Variants in UBR4 observed in about 807,000 individuals in gnomAD.
The protein encoded by UBR4 is E3 ubiquitin-protein ligase UBR4.
A neutral mutation model predicts 575.6 loss-of-function variants in UBR4; 124 were observed. That is an observed-to-expected ratio of 0.22 (90% CI 0.19 to 0.25). The LOEUF is 0.25. Among genes scored for constraint, UBR4 ranks in the 10% least tolerant of loss-of-function variants. UBR4 has a pLI of 1.00. For missense variants in UBR4, 4,818 were observed against 6,478.8 expected (o/e 0.74, Z 8.80); for synonymous variants, 2,455 against 2,473.7 (o/e 0.99, Z 0.22).
In UBR4 at chr1:19,169,438, G is replaced by C. The variant is rs763430195; in HGVS notation, c.3738C>G (p.Ser1246=). Residue 1246 remains serine (S), a synonymous_variant, in exon 27 of 106, where the codon TCC becomes TCG. Transcript: ENST00000375254. ...CCTGGAACAGATAGGGACTCACCCA[G>C]GATCCAATATTGGGAAATTCATTGG... is the stretch of plus-strand genomic sequence containing the variant. ...INTNEFPNIG[S]WRNAFANDTI... is the part of the protein sequence containing the mutation. 18 of 1,612,928 alleles carry C rather than the reference G, an allele frequency of 1.1e-5. No homozygotes were observed. Among genetic ancestry groups the C allele is most frequent in the Non-Finnish European group, 2.5e-6 (3 of 1,179,526 alleles).
chr1:19,074,962 C>T, intron 105 of UBR4, 66 bp from the exon 106 acceptor site: 1 of 1,541,992 alleles, frequency 6.5e-7, no homozygotes, highest in Non-Finnish European at 8.9e-7. Flanking sequence ...CCCTGAGTCA[C>T]AGCTGCCGCA....
rs142636344 is a variant in UBR4, at chr1:19,176,663, C to A, written c.2702G>T (p.Arg901Leu). The A allele has an allele frequency of 1.1e-5, 18 of 1,614,070 alleles. No individual in the cohort carries two copies. The Admixed American group carries it at 2.2e-4, about 19-fold the overall frequency. ...ATGATAGAGAGGAGTGGTTGCCCGG[C>A]GGCTGTTGCTGTCCTGGGATCCACT... ...WASGSQDSNS[R>L]RATTPLYHGF... Residue 901 changes from arginine (R) to leucine (L), a missense_variant, in exon 20 of 106, where the codon CGC becomes CTC. Physicochemically the swap from Arg to Leu is moderately radical, Grantham distance 102. This residue lies in a region of UBR4 where 1,172 missense variants were observed against 1,259.7 expected (regional missense o/e 0.93). Transcript: ENST00000375254.
rs1553226959 is a variant in UBR4, at chr1:19,190,312, A to AATATATATAT, written c.1394+1866_1394+1875dup. Among the ~76,000 whole-genome samples the AATATATATAT allele has an allele frequency of 6.2e-3, 492 of 79,390 alleles. 7 individuals carry two copies. Among genetic ancestry groups the AATATATATAT allele is most frequent in the East Asian group, 0.012 (21 of 1,688 alleles). 52.1% of individuals were successfully genotyped at this position (79,390 alleles called of 152,430 possible). A position where few individuals can be genotyped will look rare whatever the true frequency, so the allele number is the denominator to read the frequency against. On this transcript the variant is annotated intron_variant, in intron 11 of 105. Transcript: ENST00000375254. ...TGCCTCAAAAAAAAAAAAAAAAAAA[A>AATATATATAT]ATATATATATATATATATTTGTATG... is the stretch of plus-strand genomic sequence containing the variant.
At chr1:19,181,337 G>T (rs1165987090) in intron 17 of UBR4, among the ~76,000 whole-genome samples, 1 of 152,046 alleles carries the variant, frequency 6.6e-6, no homozygotes, top group Non-Finnish European at 1.5e-5. Context: ...AGACCAGCCT[G>T]GGAGATACAG....
In UBR4 at chr1:19,153,458, C is replaced by A; in HGVS notation, c.6675G>T (p.Gln2225His). The A allele has an allele frequency of 6.2e-7, 1 of 1,614,178 alleles. No homozygotes were observed. The highest frequency in any genetic ancestry group is 8.5e-7 in the Non-Finnish European group (1 of 1,180,028). ...VAIRHTACNE[Q>H]QRTTMILLCE... Reference sequence around the variant, plus strand: ...ACAGCAGAATCATTGTTGTCCGCTGCTGCTCATTGCAGGCCGTGTGCCTAA... The same window carrying A: ...ACAGCAGAATCATTGTTGTCCGCTGATGCTCATTGCAGGCCGTGTGCCTAA... The change falls in exon 46 of 106, where the codon CAG becomes CAT. Residue 2225 changes from glutamine to histidine, a missense_variant. Physicochemically the swap from Gln to His is conservative, Grantham distance 24 (BLOSUM62 0). Transcript: ENST00000375254. The surrounding 1 kb of genome is among the most constrained non-coding windows in gnomAD (Gnocchi z 4.1).
intron 102 of UBR4, among the ~76,000 whole-genome samples, chr1:19,082,561 G>A (rs1022955315): frequency 7.2e-5 from 11 of 152,166 alleles, no homozygotes; most frequent in African/African-American, 2.7e-4. Context: ...GTGCTCTCAT[G>A]CCATGAATGC....
chr1:19,136,007 G>C (rs1323669628), intron 60 of UBR4, among the ~76,000 whole-genome samples: 3 of 152,132 alleles, frequency 2.0e-5, no homozygotes, highest in African/African-American at 7.2e-5. Context: ...TTTCTCATTG[G>C]AAATAACAAA....
At position 19,153,163 on chromosome 1, in the gene UBR4, T is replaced by C. The variant is rs2085968996; in HGVS notation, c.6832+138A>G. ...GACATTTGGAAACATAACTCTGCTT[T>C]TGGGAAATTAACTTTACAAAATGTG... On this transcript the variant is annotated intron_variant, in intron 46 of 105. Transcript: ENST00000375254. This position sits in a 1 kb window ranked among gnomAD's most constrained non-coding sequence, Gnocchi z 4.1. 2 of 1,066,528 alleles carry C rather than the reference T, an allele frequency of 1.9e-6. No individual in the cohort carries two copies. The highest frequency in any genetic ancestry group is 2.6e-5 in the East Asian group (1 of 39,196). The allele number at this position is 1,066,528 out of a possible 1,614,324, so 66.1% of individuals were successfully genotyped here. A position where few individuals can be genotyped will look rare whatever the true frequency, so the allele number is the denominator to read the frequency against.
chr1:19,162,720 A>G (rs1351856225), intron 34 of UBR4, 109 bp from the exon 35 acceptor site: 2 of 1,303,712 alleles, frequency 1.5e-6, no homozygotes, highest in East Asian at 2.5e-5. Context: ...ATGGTATGAG[A>G]GCAGAGAAGA....
chr1:19,087,647 C>T (rs188311217), intron 99 of UBR4, among the ~76,000 whole-genome samples, 169 bp downstream of exon 99: 2 of 152,342 alleles, frequency 1.3e-5, no homozygotes, highest in African/African-American at 4.8e-5. Context: ...TTCGGATGAG[C>T]TCGCCTTCCT....
Position 19,210,075 on chromosome 1 carries a change from C to T in UBR4, c.174G>A (p.Glu58=). 1 of 1,561,682 alleles carries T rather than the reference C, an allele frequency of 6.4e-7. No individual in the cohort carries two copies. Among genetic ancestry groups the T allele is most frequent in the Non-Finnish European group, 8.7e-7 (1 of 1,156,058 alleles). ...ELPQLVASVI[E]SESEILHHEK... is the part of the protein sequence containing the mutation. ...CCGCCAGAGCCGCCGCCCGGTACCT[C>T]TCGATGACTGAGGCCACCAGCTGCG... The change falls in exon 1 of 106, where the codon GAG becomes GAA. Residue 58 remains glutamate, a splice_region_variant and synonymous_variant. Transcript: ENST00000375254.
chr1:19,164,527 A>G (rs902508391), intron 32 of UBR4, 86 bp from the exon 33 acceptor site: 1 of 1,392,344 alleles, frequency 7.2e-7, no homozygotes, highest in Non-Finnish European at 9.8e-7. Context: ...ATTAAACATT[A>G]AATACATAAC....
chr1:19,115,028 C>G (rs2080330163), intron 74 of UBR4, 79 bp from the exon 75 acceptor site: 1 of 1,580,046 alleles, frequency 6.3e-7, no homozygotes. Flanking sequence ...ATGGATTGTG[C>G]CACATTTATA....
intron 44 of UBR4, among the ~76,000 whole-genome samples, chr1:19,154,608 T>C (rs1213114587): frequency 6.6e-6 from 1 of 152,194 alleles, no homozygotes; most frequent in African/African-American, 2.4e-5. Context: ...AAGAGAAATT[T>C]AGGTTCCCTT....
intron 87 of UBR4, 136 bp from the exon 88 acceptor site, chr1:19,101,777 A>T: frequency 7.3e-7 from 1 of 1,366,094 alleles, no homozygotes; most frequent in Non-Finnish European, 9.9e-7. Flanking sequence ...TGGCAATATC[A>T]ATAGTTCAAA....
At chr1:19,205,599 A>C (rs1214063573) in intron 1 of UBR4, among the ~76,000 whole-genome samples, 1 of 151,994 alleles carries the variant, frequency 6.6e-6, no homozygotes, top group African/African-American at 2.4e-5. Flanking sequence ...GTAGTCACAA[A>C]GACTAATCTC....
intron 8 of UBR4, among the ~76,000 whole-genome samples, chr1:19,195,576 T>C (rs1346532918): frequency 6.6e-6 from 1 of 152,094 alleles, no homozygotes; most frequent in Non-Finnish European, 1.5e-5. Flanking sequence ...ACCCCAAATT[T>C]AAAAATGCAA....
At chr1:19,096,477 C>T in intron 92 of UBR4, 46 bp downstream of exon 92, 1 of 1,595,960 alleles carries the variant, frequency 6.3e-7, no homozygotes, top group South Asian at 1.1e-5. Context: ...GGGGCCTCTC[C>T]CAGTGCAGAA....
In UBR4 at chr1:19,193,517, A is replaced by G. The variant is rs762078628; in HGVS notation, c.1059T>C (p.Gly353=). Residue 353 remains glycine, a synonymous_variant, in exon 9 of 106, where the codon GGT becomes GGC. Transcript: ENST00000375254. ...VATCMAILHV[G]SAQQVRTGST... ...ACCCTGTCCGCACTTGCTGGGCACTACCCACATGGAGGATGGCCATGCACG... is the reference window on the plus strand; with the variant it reads ...ACCCTGTCCGCACTTGCTGGGCACTGCCCACATGGAGGATGGCCATGCACG... 1.9e-6 allele frequency: 3 copies of G among 1,614,092 alleles called. No individual in the cohort carries two copies. The Admixed American group carries it at 5.0e-5, about 27-fold the overall frequency.
Sources: allele counts gnomAD v4.1 joint callset (sites outside exome capture counted in the v4.1 genomes callset), GRCh38; gene constraint gnomAD v4.1.1; regional missense constraint gnomAD v4.1.1; non-coding constraint Gnocchi (gnomAD v3.1); transcripts MANE v1.5; gene names NCBI Gene and HGNC (gene_info 2026-07-23, HGNC 2026-07-21).